Variants in BLTP1 observed in about 807,000 individuals in gnomAD.
The protein encoded by BLTP1 is fragile site-associated protein.
chr4:122,253,030 A>G, the BLTP1 span, among the ~76,000 whole-genome samples: 3 of 152,192 alleles, frequency 2.0e-5, no homozygotes, highest in Non-Finnish European at 4.4e-5. Flanking sequence ...AATCTTCTGG[A>G]TCTTATCCAA....
the BLTP1 span, chr4:122,349,051 A>G: frequency 4.3e-6 from 4 of 924,062 alleles, no homozygotes; most frequent in East Asian, 8.3e-5. The surrounding 1 kb of genome is among the most constrained non-coding windows in gnomAD (Gnocchi z 4.5). Context: ...TTCATTGTCA[A>G]ACTTGACCTT....
At chr4:122,270,182 A>C in the BLTP1 span, 2 of 162,334 alleles carry the variant, frequency 1.2e-5, no homozygotes, top group Non-Finnish European at 2.6e-5. Flanking sequence ...TTTTCTTATT[A>C]ATTAAGAAAT....
chr4:122,354,568 G>T, the BLTP1 span, among the ~76,000 whole-genome samples: 1 of 151,358 alleles, frequency 6.6e-6, no homozygotes, highest in African/African-American at 2.4e-5. Flanking sequence ...TGGGTTTATA[G>T]TATTGCTTTT....
chr4:122,254,207 G>C, the BLTP1 span: 1 of 1,612,604 alleles, frequency 6.2e-7, no homozygotes, highest in Non-Finnish European at 8.5e-7. Flanking sequence ...TGAAGGAGTC[G>C]AATCTGATGA....
At chr4:122,196,620 A>G in the BLTP1 span, 40 of 1,585,476 alleles carry the variant, frequency 2.5e-5, no homozygotes, top group East Asian at 1.1e-4. Flanking sequence ...TATTCTTTCT[A>G]CCTCCTTAAT....
At chr4:122,254,435 T>G in the BLTP1 span, 2 of 1,322,760 alleles carry the variant, frequency 1.5e-6, no homozygotes, top group Non-Finnish European at 2.0e-6. Context: ...TAAAAATTAC[T>G]TTTCTGGTAT....
the BLTP1 span, among the ~76,000 whole-genome samples, chr4:122,317,509 G>A: frequency 6.6e-6 from 1 of 152,036 alleles, no homozygotes; most frequent in African/African-American, 2.4e-5. Flanking sequence ...GTTGCCTGCT[G>A]GATATTACTA....
At chr4:122,320,154 G>T in the BLTP1 span, among the ~76,000 whole-genome samples, 1 of 152,054 alleles carries the variant, frequency 6.6e-6, no homozygotes, top group African/African-American at 2.4e-5. Flanking sequence ...ACACTCAGTT[G>T]TTTTGTTTTT....
chr4:122,329,783 G>T, the BLTP1 span, among the ~76,000 whole-genome samples: 1 of 151,630 alleles, frequency 6.6e-6, no homozygotes, highest in African/African-American at 2.4e-5. Flanking sequence ...ACCTTTTTAA[G>T]TGTGCCATAC....
At chr4:122,317,513 AT>A in the BLTP1 span, among the ~76,000 whole-genome samples, 1 of 152,142 alleles carries the variant, frequency 6.6e-6, no homozygotes, top group Admixed American at 6.5e-5. Flanking sequence ...CCTGCTGGAT[AT>A]TACTAAGTAA....
chr4:122,255,114 T>C, the BLTP1 span: 185 of 1,594,494 alleles, frequency 1.2e-4, no homozygotes, highest in African/African-American at 2.0e-3. Context: ...AAATCTATTG[T>C]TGTTTCTTGA....
At chr4:122,234,728 T>G in the BLTP1 span, 2 of 1,536,200 alleles carry the variant, frequency 1.3e-6, no homozygotes, top group South Asian at 1.3e-5. Flanking sequence ...TCTTAATGAT[T>G]TTTTTTATGT....
the BLTP1 span, chr4:122,279,859 C>T: frequency 1.2e-6 from 2 of 1,614,082 alleles, no homozygotes; most frequent in Non-Finnish European, 1.7e-6. Flanking sequence ...CTGCTGTGTT[C>T]AAAGTAGGAG....
At chr4:122,271,281 A>G in the BLTP1 span, 2 of 1,614,018 alleles carry the variant, frequency 1.2e-6, no homozygotes, top group East Asian at 2.2e-5. Flanking sequence ...GATGACATCA[A>G]AGCAACTCAG....
At chr4:122,226,793 A>G in the BLTP1 span, 1 of 1,613,202 alleles carries the variant, frequency 6.2e-7, no homozygotes, top group Non-Finnish European at 8.5e-7. Flanking sequence ...AATCAGTTAT[A>G]ATATGTCAGC....
the BLTP1 span, among the ~76,000 whole-genome samples, chr4:122,252,717 C>T: frequency 0.028 from 4,318 of 152,286 alleles, 139 homozygotes; most frequent in African/African-American, 0.08. Context: ...TGCCCAGAGC[C>T]TGGCGAACTC....
At chr4:122,207,264 T>C in the BLTP1 span, 15 of 1,597,388 alleles carry the variant, frequency 9.4e-6, no homozygotes, top group Non-Finnish European at 1.1e-5. Flanking sequence ...AACAGGAAAA[T>C]GGTAAGACAT....
At chr4:122,204,314 A>G in the BLTP1 span, 1 of 977,406 alleles carries the variant, frequency 1.0e-6, no homozygotes, top group Non-Finnish European at 1.2e-6. Flanking sequence ...AAAGACACTA[A>G]GGTCTGAAAT....
chr4:122,217,738 T>G, the BLTP1 span, among the ~76,000 whole-genome samples: 1 of 152,198 alleles, frequency 6.6e-6, no homozygotes, highest in Admixed American at 6.6e-5. Context: ...AAAGAATGAT[T>G]TAGGGAGGAC....
Sources: gnomAD v4.1 joint callset for allele counts (sites outside exome capture counted in the v4.1 genomes callset) on GRCh38, gnomAD v4.1.1 for gene constraint, Gnocchi (gnomAD v3.1) non-coding constraint, MANE v1.5 for transcripts, NCBI Gene and HGNC (gene_info 2026-07-23, HGNC 2026-07-21) for gene names.